The following PROSER3 variants were observed in gnomAD, a reference collection of about 807,000 sequenced individuals.
PROSER3 encodes the protein proline and serine-rich protein 3.
A neutral mutation model predicts 50.2 loss-of-function variants in PROSER3; 33 were observed. The observed-to-expected ratio is 0.66, with a 90% CI of 0.50 to 0.88. PROSER3 has a LOEUF of 0.88. PROSER3 is among the 40% of genes least tolerant of loss of function. The pLI is 0.00. For synonymous variants in PROSER3, 266 were observed against 259.3 expected (o/e 1.03, Z -0.25); for missense variants, 623 against 612.7 (o/e 1.02, Z -0.18).
intron 5 of PROSER3, chr19:35,763,099 T>A (rs550389125): frequency 6.6e-6 from 1 of 152,164 alleles, no homozygotes; most frequent in South Asian, 2.1e-4. Context: ...GAGGATTTGC[T>A]GGCTAATGTA....
exon 11 of PROSER3, chr19:35,769,151 C>A (rs1568416442): frequency 6.6e-6 from 1 of 152,190 alleles, no homozygotes; most frequent in African/African-American, 2.4e-5. Context: ...TTCTGATAAT[C>A]CTCAAATTTC....
intron 1 of PROSER3, 145 bp from the exon 2 acceptor site, chr19:35,759,229 A>T: frequency 1.5e-6 from 1 of 684,744 alleles, no homozygotes; most frequent in Non-Finnish European, 2.5e-6. Flanking sequence ...CGATATCCTG[A>T]ATGTGCAACG....
chr19:35,768,104 G>T lies in PROSER3; in HGVS notation c.1219+39G>T, dbSNP rs1971231226. ...CCTCCTGGATGTTGGAGGCAGGCCA[G>T]CCCCCTAAGAGGCCGGCCCCTTGGA... On this transcript the variant is annotated intron_variant, in intron 9 of 10. Transcript: ENST00000396908. 6.9e-6 allele frequency: 11 copies of T among 1,596,374 alleles called. No homozygotes were observed. The South Asian group carries it at 9.0e-5, about 13-fold the overall frequency.
chr19:35,763,641 C>CTA (rs917527078), intron 5 of PROSER3, among the ~76,000 whole-genome samples: 6 of 151,100 alleles, frequency 4.0e-5, no homozygotes, highest in African/African-American at 7.3e-5. Context: ...GTAGCTGGGA[C>CTA]TACAGGTGCC....
At chr19:35,765,341 T>C (rs1449040302) in intron 7 of PROSER3, among the ~76,000 whole-genome samples, 165 bp downstream of exon 7, 1 of 152,144 alleles carries the variant, frequency 6.6e-6, no homozygotes, top group East Asian at 1.9e-4. Context: ...GGCGGGCAGA[T>C]TGCCTGAGCT....
At chr19:35,769,496 CGGG>C (rs1971280997), downstream of PROSER3, 1 of 151,698 alleles carries the variant, frequency 6.6e-6, no homozygotes, top group Admixed American at 6.6e-5. Context: ...TTAGTAGAGA[CGGG>C]GTTTCACTGT....
At chr19:35,768,033 C>A in exon 9 of PROSER3, 1 of 1,581,018 alleles carries the variant, frequency 6.3e-7, no homozygotes, top group Non-Finnish European at 8.6e-7. Flanking sequence ...GCCCTGCTTG[C>A]CCAGGCCGCC....
chr19:35,761,656 C>T (rs1372500076), intron 3 of PROSER3, among the ~76,000 whole-genome samples: 1 of 151,862 alleles, frequency 6.6e-6, no homozygotes, highest in East Asian at 1.9e-4. Context: ...AGCAAAACTC[C>T]GTCTCAAAAA....
At chr19:35,763,677 T>C (rs1298469320) in intron 5 of PROSER3, among the ~76,000 whole-genome samples, 2 of 150,300 alleles carry the variant, frequency 1.3e-5, no homozygotes, top group African/African-American at 4.9e-5. Context: ...CTAATTTTTT[T>C]TTGTATTTTT....
chr19:35,762,305 C>A, exon 5 of PROSER3: 1 of 1,611,286 alleles, frequency 6.2e-7, no homozygotes, highest in South Asian at 1.1e-5. Context: ...CTACTGCGGT[C>A]AACGTGACCA....
intron 7 of PROSER3, 114 bp downstream of exon 7, chr19:35,765,290 A>T (rs1971107677): frequency 7.6e-7 from 1 of 1,324,378 alleles, no homozygotes; most frequent in Non-Finnish European, 1.0e-6. Flanking sequence ...GCTGTAAAAC[A>T]GGGATAAGGC....
At position 35,762,407 on chromosome 19, in the gene PROSER3, G is replaced by C. The variant is rs752882008; in HGVS notation, c.543+51G>C. On this transcript the variant is annotated intron_variant, in intron 5 of 10. Coordinates refer to ENST00000396908, the Ensembl canonical transcript of PROSER3. ...TTGGGTGCCTGAACTGACAACACCA[G>C]CCCTAGGACAGAATTAGAAGATCAG... The C allele has an allele frequency of 2.0e-5, 29 of 1,468,370 alleles. No homozygotes were observed. In the African/African-American group the frequency reaches 3.9e-4, roughly 20 times the overall value. 91.0% of individuals were successfully genotyped at this position (1,468,370 alleles called of 1,614,324 possible).
In PROSER3 at chr19:35,759,436, AC is replaced by A; in HGVS notation, c.75del (p.Trp26GlyfsTer13). The A allele has an allele frequency of 6.2e-7, 1 of 1,613,388 alleles. No individual in the cohort carries two copies. Among genetic ancestry groups the A allele is most frequent in the Non-Finnish European group, 8.5e-7 (1 of 1,179,628 alleles). On this transcript the variant is annotated frameshift_variant, in exon 2 of 11. Transcript: ENST00000396908. LOFTEE classifies it high-confidence loss of function. Reference sequence around the variant, plus strand: ...GATGCGCCCCTGGGTCGAAGCCACTACTGGCCATCCCAGAGCCAGACCTGGT... The same window carrying A: ...GATGCGCCCCTGGGTCGAAGCCACTATGGCCATCCCAGAGCCAGACCTGGT...
At chr19:35,766,191 GGGGAA>G (rs1971135733) in intron 7 of PROSER3, among the ~76,000 whole-genome samples, 2 of 152,068 alleles carry the variant, frequency 1.3e-5, no homozygotes, top group African/African-American at 4.8e-5. Flanking sequence ...GGTAGATTCT[GGGGAA>G]TATGTCTTCT....
At chr19:35,767,842 G>A (rs781248272) in exon 9 of PROSER3, 8 of 1,612,970 alleles carry the variant, frequency 5.0e-6, no homozygotes, top group South Asian at 2.2e-5. Flanking sequence ...CGCCCGCAGC[G>A]GGGTCAGTGA....
At chr19:35,766,295 G>A (rs763406917) in intron 7 of PROSER3, among the ~76,000 whole-genome samples, 6 of 152,148 alleles carry the variant, frequency 3.9e-5, no homozygotes, top group Non-Finnish European at 5.9e-5. Context: ...TATAATCCCA[G>A]CACTTTGGGA....
chr19:35,767,426 AC>A, intron 8 of PROSER3: 1 of 129,908 alleles, frequency 7.7e-6, no homozygotes, highest in Non-Finnish European at 1.5e-5. Context: ...CCCAGCCTCC[AC>A]CCCGGCTCCC....
exon 9 of PROSER3, chr19:35,767,956 C>T (rs766372426): frequency 1.2e-6 from 2 of 1,610,196 alleles, no homozygotes; most frequent in South Asian, 2.2e-5. Context: ...CGCCGCCAGC[C>T]TTCCAGGTGG....
chr19:35,766,794 A>G (rs1357929058), exon 8 of PROSER3: 5 of 1,549,480 alleles, frequency 3.2e-6, no homozygotes, highest in Non-Finnish European at 3.5e-6. Flanking sequence ...CCAGGCCCAG[A>G]CCCCCACCCC....
Sources: gnomAD v4.1 joint callset for allele counts (sites outside exome capture counted in the v4.1 genomes callset) on GRCh38, gnomAD v4.1.1 for gene constraint, MANE v1.5 for transcripts, NCBI Gene and HGNC (gene_info 2026-07-23, HGNC 2026-07-21) for gene names.